Variants in R3HDM1 observed in about 807,000 individuals in gnomAD.
The protein encoded by R3HDM1 is R3H domain containing 1, also known as R3H domain-containing protein 1.
In R3HDM1, 46 loss-of-function variants were observed where a neutral mutation model predicts 141.1. The ratio of observed to expected loss-of-function variants is 0.33; its 90% CI spans 0.26 to 0.42. The LOEUF is 0.42. Among genes scored for constraint, R3HDM1 ranks in the 10% least tolerant of loss-of-function variants. The pLI, the probability that R3HDM1 is intolerant of heterozygous loss-of-function variation, is 1.00. For synonymous variants in R3HDM1, 435 were observed against 472.9 expected, an observed-to-expected ratio of 0.92 and a Z score of 1.04; for missense variants, 1,184 against 1,368.3, an observed-to-expected ratio of 0.87 and a Z score of 2.12.
Position 135,724,045 on chromosome 2 carries a change from T to C in R3HDM1, c.3158T>C (p.Leu1053Pro). Residue 1053 changes from leucine (L) to proline (P), a missense_variant, in exon 27 of 27, where the codon CTC (leucine) becomes CCC (proline). Physicochemically the swap from Leu to Pro is moderately conservative, Grantham distance 98 (BLOSUM62 -3). This residue lies in a region of R3HDM1 where 182 missense variants were observed against 252.6 expected (regional missense o/e 0.72). Transcript: ENST00000683871. The stretch of plus-strand genomic sequence containing the variant: ...AAAATTGGCGCCAAGATCCGGTGGC[T>C]CCGGGACCCCCAGTCCCAACCACGT... ...LFKIGAKIRW[L>P]RDPQSQPRRH... is the part of the protein sequence containing the mutation. The C allele has an allele frequency of 6.2e-7, 1 of 1,614,000 alleles. No homozygotes were observed. Among genetic ancestry groups the C allele is most frequent in the Non-Finnish European group, 8.5e-7 (1 of 1,179,960 alleles).
chr2:135,555,827 A>T (rs1700646855), intron 1 of R3HDM1, among the ~76,000 whole-genome samples: 1 of 152,132 alleles, frequency 6.6e-6, no homozygotes, highest in Non-Finnish European at 1.5e-5. Flanking sequence ...GGAATTTGAG[A>T]TCAGCTGGGG....
chr2:135,705,827 T>C (rs776698919), intron 21 of R3HDM1, among the ~76,000 whole-genome samples: 3 of 152,086 alleles, frequency 2.0e-5, no homozygotes, highest in Non-Finnish European at 2.9e-5. Context: ...AGATGAGCAC[T>C]GTAAAAAAAC....
At chr2:135,656,257 C>G (rs1047105123) in intron 18 of R3HDM1, among the ~76,000 whole-genome samples, 5 of 152,032 alleles carry the variant, frequency 3.3e-5, no homozygotes, top group African/African-American at 1.2e-4. Flanking sequence ...TTACTTGCAA[C>G]CCCTATATTT....
At chr2:135,577,098 A>G (rs1705623652) in intron 1 of R3HDM1, 2 of 959,226 alleles carry the variant, frequency 2.1e-6, no homozygotes, top group Admixed American at 6.2e-5. Flanking sequence ...AAGAGAGAGA[A>G]AAAAAGACCA....
chr2:135,574,128 T>C (rs1704804561), intron 1 of R3HDM1, among the ~76,000 whole-genome samples: 1 of 152,046 alleles, frequency 6.6e-6, no homozygotes, highest in Admixed American at 6.6e-5. Flanking sequence ...CTTAATCATG[T>C]AAAGGAAAGG....
At chr2:135,645,670 A>G in intron 16 of R3HDM1, 143 bp downstream of exon 16, 2 of 986,500 alleles carry the variant, frequency 2.0e-6, no homozygotes, top group South Asian at 1.9e-5. Context: ...CTCACTACTC[A>G]TAGGAAAAGA....
In R3HDM1 at chr2:135,639,115, A is replaced by C. The variant is rs1401502157; in HGVS notation, c.1212A>C (p.Ser404=). 1 of 1,613,828 alleles carries C rather than the reference A, an allele frequency of 6.2e-7. No individual in the cohort carries two copies. The highest frequency in any genetic ancestry group is 8.5e-7 in the Non-Finnish European group (1 of 1,179,796). ...SGSSKSIGRL[S]KTGSESSGSV... is the part of the protein sequence containing the mutation. Reference sequence around the variant, plus strand: ...GCAGCAAAAGCATAGGCAGGCTTTCAAAAACAGGTATAAATATCTACACAA... The same window carrying C: ...GCAGCAAAAGCATAGGCAGGCTTTCCAAAACAGGTATAAATATCTACACAA... The change falls in exon 14 of 27, where the codon TCA becomes TCC. Residue 404 remains serine (S), a synonymous_variant. Transcript: ENST00000683871.
chr2:135,533,965 T>C (rs1695497744), intron 1 of R3HDM1: 1 of 982,924 alleles, frequency 1.0e-6, no homozygotes, highest in African/African-American at 1.7e-5. Context: ...TTAACTGTTA[T>C]TTTCATGCAT....
chr2:135,567,877 C>T (rs1703150110), intron 1 of R3HDM1, among the ~76,000 whole-genome samples: 1 of 147,420 alleles, frequency 6.8e-6, no homozygotes, highest in Admixed American at 6.7e-5. Flanking sequence ...GTAGCTGGGA[C>T]TGCAGGCGTG....
At chr2:135,546,766 G>A (rs933867604) in intron 1 of R3HDM1, among the ~76,000 whole-genome samples, 2 of 152,146 alleles carry the variant, frequency 1.3e-5, no homozygotes, top group African/African-American at 4.8e-5. Flanking sequence ...CCACCTCCCG[G>A]ATTCAGGACA....
intron 7 of R3HDM1, among the ~76,000 whole-genome samples, chr2:135,625,179 A>G (rs1484255222): frequency 2.0e-5 from 3 of 152,356 alleles, no homozygotes; most frequent in African/African-American, 4.8e-5. Flanking sequence ...GCCCTGCACA[A>G]TGATTCATGC....
At chr2:135,702,772 G>A (rs909818596) in intron 21 of R3HDM1, among the ~76,000 whole-genome samples, 17 of 151,854 alleles carry the variant, frequency 1.1e-4, no homozygotes, top group African/African-American at 3.9e-4. Context: ...AGCCGAGATC[G>A]CACTCCAGCC....
At chr2:135,537,264 A>T in intron 1 of R3HDM1, among the ~76,000 whole-genome samples, 2 of 141,688 alleles carry the variant, frequency 1.4e-5, no homozygotes, top group African/African-American at 5.1e-5. Context: ...AGCTAAAGTG[A>T]GCATTAGTCT....
At chr2:135,565,322 AATTATTATTATTATTATT>A (rs72174180) in intron 1 of R3HDM1, among the ~76,000 whole-genome samples, 9 of 143,156 alleles carry the variant, frequency 6.3e-5, no homozygotes, top group South Asian at 2.2e-4. Context: ...AATGAAAAAA[AATTATTATTATTATTATT>A]ATTATTATTA....
At chr2:135,684,096 GT>G (rs1187730870) in intron 21 of R3HDM1, among the ~76,000 whole-genome samples, 2 of 151,750 alleles carry the variant, frequency 1.3e-5, no homozygotes, top group Admixed American at 1.3e-4. Context: ...TTTTGTTTTT[GT>G]TTTTTGTTGT....
Position 135,620,467 on chromosome 2 carries a change from C to T in R3HDM1, c.304-1027C>T, listed in dbSNP as rs1180270580. On this transcript the variant is annotated intron_variant, in intron 5 of 26. Coordinates refer to ENST00000683871, the MANE Select transcript of R3HDM1 (RefSeq NM_001378107.1). Reference sequence around the variant, plus strand: ...AGTGCAAAAAGCAAGTGTTTGTCATCCTAGTAAAAACTGCCAGTGTGCATC... The same window carrying T: ...AGTGCAAAAAGCAAGTGTTTGTCATTCTAGTAAAAACTGCCAGTGTGCATC... The T allele has an allele frequency of 7.2e-6, 7 of 969,204 alleles. No individual in the cohort carries two copies. In the African/African-American group the frequency reaches 1.1e-4, roughly 15 times the overall value. The allele number at this position is 969,204 out of a possible 1,614,324, so 60.0% of individuals were successfully genotyped here.
chr2:135,558,382 A>G (rs1020843815), intron 1 of R3HDM1, among the ~76,000 whole-genome samples: 4 of 152,248 alleles, frequency 2.6e-5, no homozygotes, highest in Non-Finnish European at 4.4e-5. Context: ...AACTTGATCA[A>G]TATCCTGCCT....
At chr2:135,633,106 A>T (rs942823963) in intron 9 of R3HDM1, among the ~76,000 whole-genome samples, 1 of 152,166 alleles carries the variant, frequency 6.6e-6, no homozygotes, top group Non-Finnish European at 1.5e-5. Flanking sequence ...TTAGAAAGGG[A>T]TCTTTTCTTC....
At chr2:135,639,247 A>T in intron 14 of R3HDM1, 125 bp downstream of exon 14, 3 of 886,226 alleles carry the variant, frequency 3.4e-6, no homozygotes, top group Non-Finnish European at 5.2e-6. Context: ...TAGTACCTTG[A>T]CCACCTCCGG....
Sources: gnomAD v4.1 joint callset for allele counts (sites outside exome capture counted in the v4.1 genomes callset) on GRCh38, gnomAD v4.1.1 for gene constraint, gnomAD v4.1.1 regional missense constraint, MANE v1.5 for transcripts, NCBI Gene and HGNC (gene_info 2026-07-23, HGNC 2026-07-21) for gene names.